ACOXL: variants seen among roughly 807,000 people sequenced by gnomAD.
ACOXL encodes the protein acyl-coenzyme A oxidase-like protein.
Under a neutral mutation model 71.9 loss-of-function variants are expected in ACOXL, and 70 were observed. The ratio of observed to expected loss-of-function variants is 0.97; its 90% CI spans 0.80 to 1.19. The LOEUF (loss-of-function observed/expected upper bound fraction) is 1.19. ACOXL is among the 50% of genes most tolerant of loss of function. The pLI, the probability that ACOXL is intolerant of heterozygous loss-of-function variation, is 0.00. For synonymous variants in ACOXL, 253 were observed against 281.6 expected, an observed-to-expected ratio of 0.90 and a Z score of 1.02; for missense variants, 703 against 736.3, an observed-to-expected ratio of 0.95 and a Z score of 0.52.
At chr2:110,877,317 G>A (rs1170955086) in intron 10 of ACOXL, among the ~76,000 whole-genome samples, 1 of 152,230 alleles carries the variant, frequency 6.6e-6, no homozygotes, top group African/African-American at 2.4e-5. Context: ...GGCGTCTCTA[G>A]TCTTGATGCA....
intron 10 of ACOXL, among the ~76,000 whole-genome samples, chr2:110,899,119 T>G (rs2059130041): frequency 6.6e-6 from 1 of 152,180 alleles, no homozygotes; most frequent in Admixed American, 6.5e-5. Context: ...GTTTATGGAT[T>G]GAAAGATTCT....
intron 12 of ACOXL, among the ~76,000 whole-genome samples, chr2:110,982,138 G>A (rs2062733451): frequency 6.6e-6 from 1 of 151,954 alleles, no homozygotes. Context: ...TTTTGTTTTG[G>A]TTTGGTTTGG....
chr2:110,801,725 G>C lies in ACOXL; in HGVS notation c.620+1G>C. 1 of 1,613,724 alleles carries C rather than the reference G, an allele frequency of 6.2e-7. No individual in the cohort carries two copies. Among genetic ancestry groups the C allele is most frequent in the South Asian group, 1.1e-5 (1 of 91,078 alleles). Reference sequence around the variant, plus strand: ...TACCCAGGGAGAACCTGCTGGATAAGTGAGTAGTTTCTCCTTAACTCAGGT... The same window carrying C: ...TACCCAGGGAGAACCTGCTGGATAACTGAGTAGTTTCTCCTTAACTCAGGT... On this transcript the variant is annotated splice_donor_variant, in intron 8 of 17. Coordinates refer to ENST00000439055, the MANE Select transcript of ACOXL (RefSeq NM_001142807.4). LOFTEE classifies it high-confidence loss of function.
rs765588454 is a variant in ACOXL at position 110,963,730 on chromosome 2, G to A, written c.1060-23378G>A. Reference sequence around the variant, plus strand: ...ATGCTTCAGGTAAGATTCGGGAAATGTTTTCAAGATCAAGAGTTATCCAGA... The same window carrying A: ...ATGCTTCAGGTAAGATTCGGGAAATATTTTCAAGATCAAGAGTTATCCAGA... On this transcript the variant is annotated intron_variant, in intron 12 of 17. Coordinates refer to ENST00000439055, the MANE Select transcript of ACOXL (RefSeq NM_001142807.4). The A allele has an allele frequency of 1.1e-5, 17 of 1,613,318 alleles. No homozygotes were observed. In the East Asian group the frequency reaches 3.3e-4, roughly 32 times the overall value.
chr2:111,115,408 A>C (rs1205289343), intron 17 of ACOXL: 1 of 152,208 alleles, frequency 6.6e-6, no homozygotes, highest in Non-Finnish European at 1.5e-5. Flanking sequence ...ATTTTTAAAA[A>C]TTTTTAAAAC....
chr2:110,972,433 G>A (rs1363787508), intron 12 of ACOXL, among the ~76,000 whole-genome samples: 1 of 152,126 alleles, frequency 6.6e-6, no homozygotes, highest in Non-Finnish European at 1.5e-5. Flanking sequence ...CTCAAGTGAT[G>A]ATCCAGCCGG....
At position 111,031,680 on chromosome 2, in the gene ACOXL, C is replaced by T. The variant is rs757294119; in HGVS notation, c.1335C>T (p.His445=). 5.6e-6 allele frequency: 9 copies of T among 1,614,162 alleles called. No homozygotes were observed. Among genetic ancestry groups the T allele is most frequent in the Middle Eastern group, 3.3e-4 (2 of 6,062 alleles). The part of the protein sequence containing the change: ...FFHAWNSCLH[H]VASLSLAHTH... ...ATGCCTGGAACTCGTGTCTGCACCA[C>T]GTGGCTTCTCTGTCCCTGGCACACA... Residue 445 remains histidine (H), a synonymous_variant, in exon 15 of 18, where the codon CAC becomes CAT. Transcript: ENST00000439055.
chr2:111,068,574 G>C (rs1012164861), intron 16 of ACOXL, among the ~76,000 whole-genome samples: 1 of 152,188 alleles, frequency 6.6e-6, no homozygotes, highest in Non-Finnish European at 1.5e-5. Context: ...TGGCCCCCAA[G>C]GCTCTGTGGC....
chr2:111,025,647 A>C (rs1165009871), intron 14 of ACOXL, among the ~76,000 whole-genome samples: 1 of 152,056 alleles, frequency 6.6e-6, no homozygotes. Context: ...CATCTGTTAA[A>C]CTGGGTTTTG....
intron 15 of ACOXL, among the ~76,000 whole-genome samples, chr2:111,037,531 T>A (rs2065574939): frequency 6.6e-6 from 1 of 152,174 alleles, no homozygotes; most frequent in Non-Finnish European, 1.5e-5. Context: ...TTGAGCCCAG[T>A]CTAATGGCCA....
rs769591298 is a variant in ACOXL at position 110,933,649 on chromosome 2, C to A, written c.1059+7C>A. ...CGAGTGCACTGGAGGCATGGTGAGC[C>A]CCAAGGCCTGCAGCCCCCGTGGGTC... On this transcript the variant is annotated splice_region_variant and intron_variant, in intron 12 of 17. Transcript: ENST00000439055. 12 of 1,606,448 alleles carry A rather than the reference C, an allele frequency of 7.5e-6. No homozygotes were observed. The highest frequency in any genetic ancestry group is 6.7e-5 in the Admixed American group (4 of 59,620).
chr2:110,968,621 A>G (rs1452660212), intron 12 of ACOXL: 2 of 908,442 alleles, frequency 2.2e-6, no homozygotes, highest in Non-Finnish European at 3.4e-6. Context: ...TAAAAAGAAG[A>G]GGTGGAACTG....
intron 12 of ACOXL, among the ~76,000 whole-genome samples, chr2:110,939,163 G>T (rs115351988): frequency 6.6e-6 from 1 of 152,296 alleles, no homozygotes; most frequent in South Asian, 2.1e-4. Context: ...GCTAACTTTA[G>T]TGTTTGTTGC....
intron 9 of ACOXL, among the ~76,000 whole-genome samples, chr2:110,830,331 T>G (rs952352824): frequency 6.6e-6 from 1 of 152,196 alleles, no homozygotes; most frequent in African/African-American, 2.4e-5. Context: ...TCAACACATA[T>G]TGTACGCATC....
At chr2:110,917,581 G>T (rs762265794) in intron 11 of ACOXL, among the ~76,000 whole-genome samples, 9 of 152,154 alleles carry the variant, frequency 5.9e-5, no homozygotes, top group Non-Finnish European at 1.2e-4. Context: ...AAGAAATAAA[G>T]GGTATTCAAA....
At chr2:111,094,363 T>A (rs2068696866) in intron 17 of ACOXL, 1 of 152,248 alleles carries the variant, frequency 6.6e-6, no homozygotes, top group Non-Finnish European at 1.5e-5. Flanking sequence ...TCTTGGTCCA[T>A]TTTTTGCTGC....
chr2:110,975,102 T>C (rs1340005441), intron 12 of ACOXL, among the ~76,000 whole-genome samples: 1 of 152,138 alleles, frequency 6.6e-6, no homozygotes, highest in Non-Finnish European at 1.5e-5. Flanking sequence ...AAATTTGAAC[T>C]GAGGAAGAAA....
chr2:110,949,823 T>G lies in ACOXL; in HGVS notation c.1059+16181T>G, dbSNP rs79742433. Among the ~76,000 whole-genome samples the G allele has an allele frequency of 1.4e-3, 220 of 152,218 alleles. 4 individuals are homozygous for G. In the East Asian group the frequency reaches 0.034, roughly 23 times the overall value. ...AACAAGGCCAGAAGTGAGATGTTAT[T>G]TCTCCAAATCTACTGAAAGACAGAG... is the stretch of plus-strand genomic sequence containing the variant. On this transcript the variant is annotated intron_variant, in intron 12 of 17. Transcript: ENST00000439055.
chr2:111,043,194 G>A (rs2065864914), intron 15 of ACOXL, among the ~76,000 whole-genome samples: 1 of 152,178 alleles, frequency 6.6e-6, no homozygotes, highest in African/African-American at 2.4e-5. Flanking sequence ...GGGACAGTGA[G>A]CAGGGCCCTC....
Sources: gnomAD v4.1 joint callset for allele counts (sites outside exome capture counted in the v4.1 genomes callset) on GRCh38, gnomAD v4.1.1 for gene constraint, MANE v1.5 for transcripts, NCBI Gene and HGNC (gene_info 2026-07-23, HGNC 2026-07-21) for gene names.